Variants in CTNNA2 observed in about 807,000 individuals in gnomAD.
CTNNA2 encodes catenin alpha-2.
Under a neutral mutation model 101.0 loss-of-function variants are expected in CTNNA2, and 42 were observed. That is an observed-to-expected ratio of 0.42 (90% CI 0.32 to 0.54). The LOEUF (loss-of-function observed/expected upper bound fraction) is 0.54, where lower values mean the gene tolerates loss of function less well. CTNNA2 is among the 20% of genes least tolerant of loss of function. CTNNA2 has a pLI of 0.14. For missense variants in CTNNA2, 871 were observed against 1,223.1 expected, an observed-to-expected ratio of 0.71 and a Z score of 4.29; for synonymous variants, 450 against 456.4, an observed-to-expected ratio of 0.99 and a Z score of 0.18.
intron 4 of CTNNA2, among the ~76,000 whole-genome samples, chr2:79,419,504 A>G (rs1453618534): frequency 6.6e-6 from 1 of 152,142 alleles, no homozygotes; most frequent in Non-Finnish European, 1.5e-5. Flanking sequence ...ATGAGAAGGT[A>G]TAGGGAAACT....
chr2:80,073,765 C>CAA (rs1698502285), intron 7 of CTNNA2, among the ~76,000 whole-genome samples: 1 of 143,242 alleles, frequency 7.0e-6, no homozygotes, highest in Non-Finnish European at 1.5e-5. Flanking sequence ...CACACACACA[C>CAA]ACACACTTAT....
chr2:80,513,797 G>A (rs959792588), intron 9 of CTNNA2, among the ~76,000 whole-genome samples: 17 of 152,276 alleles, frequency 1.1e-4, no homozygotes, highest in African/African-American at 4.1e-4. Flanking sequence ...TGAAAGAAGA[G>A]GAGAGTTAGA....
At chr2:80,542,633 A>C (rs1691672789) in intron 9 of CTNNA2, among the ~76,000 whole-genome samples, 1 of 151,982 alleles carries the variant, frequency 6.6e-6, no homozygotes, top group African/African-American at 2.4e-5. Flanking sequence ...GGGCATTTTT[A>C]AGTTTTCATA....
At chr2:80,357,408 C>G (rs1673940541) in intron 7 of CTNNA2, among the ~76,000 whole-genome samples, 1 of 152,006 alleles carries the variant, frequency 6.6e-6, no homozygotes, top group Non-Finnish European at 1.5e-5. Context: ...TATTTACATT[C>G]ATAGTGCCCC....
At chr2:79,889,341 C>A (rs967166553) in intron 6 of CTNNA2, among the ~76,000 whole-genome samples, 1 of 152,164 alleles carries the variant, frequency 6.6e-6, no homozygotes, top group Non-Finnish European at 1.5e-5. Context: ...CCCAAATGTT[C>A]TCTGATACTG....
At position 80,222,230 on chromosome 2, in the gene CTNNA2, C is replaced by T. The variant is rs145136661; in HGVS notation, c.1057-170981C>T. Among the ~76,000 whole-genome samples, 781 of 152,266 alleles carry T rather than the reference C, an allele frequency of 5.1e-3. 8 individuals are homozygous for T. Among genetic ancestry groups the T allele is most frequent in the African/African-American group, 0.018 (731 of 41,558 alleles). On this transcript the variant is annotated intron_variant, in intron 7 of 18. Transcript: ENST00000402739. ...ATCCTGGTCTATATTTTTTAAATTA[C>T]TTTTCTGCCTCCAGAGTCCCAAATT...
chr2:79,787,989 T>C (rs185320590), intron 3 of CTNNA2, among the ~76,000 whole-genome samples: 1 of 152,124 alleles, frequency 6.6e-6, no homozygotes, highest in Non-Finnish European at 1.5e-5. Context: ...CAATCCCTAC[T>C]AGTGCCAATC....
At chr2:79,500,286 A>G (rs1249090007) in intron 4 of CTNNA2, among the ~76,000 whole-genome samples, 1 of 152,126 alleles carries the variant, frequency 6.6e-6, no homozygotes, top group East Asian at 1.9e-4. Context: ...CTAAACTTAT[A>G]TTACATATTT....
chr2:80,158,149 T>A (rs1336375584), intron 7 of CTNNA2, among the ~76,000 whole-genome samples: 1 of 152,100 alleles, frequency 6.6e-6, no homozygotes, highest in Non-Finnish European at 1.5e-5. Flanking sequence ...TTCCACCCGA[T>A]TAATTATGAA....
chr2:80,094,312 T>G (rs201766191), intron 7 of CTNNA2, among the ~76,000 whole-genome samples: 6,915 of 152,124 alleles, frequency 0.045, 492 homozygotes, highest in African/African-American at 0.15. Context: ...GATCAGATAG[T>G]TGTAGATATG....
intron 1 of CTNNA2, among the ~76,000 whole-genome samples, chr2:79,580,403 G>A (rs1676079330): frequency 1.3e-5 from 2 of 152,082 alleles, no homozygotes; most frequent in Non-Finnish European, 2.9e-5. Flanking sequence ...CTTAGCTGAC[G>A]GCCGGCAAGA....
At chr2:80,454,818 G>C (rs1683824312) in intron 9 of CTNNA2, among the ~76,000 whole-genome samples, 1 of 152,226 alleles carries the variant, frequency 6.6e-6, no homozygotes, top group African/African-American at 2.4e-5. Flanking sequence ...CCTCCCAGCA[G>C]AATCTTTGGC....
chr2:79,985,360 C>T (rs1691685472), intron 7 of CTNNA2, among the ~76,000 whole-genome samples: 1 of 152,272 alleles, frequency 6.6e-6, no homozygotes, highest in South Asian at 2.1e-4. Flanking sequence ...TGAATTCTGT[C>T]ACAGCCTTTC....
intron 1 of CTNNA2, among the ~76,000 whole-genome samples, chr2:79,528,810 A>G (rs1233397027): frequency 6.6e-6 from 1 of 152,180 alleles, no homozygotes. Context: ...AATATAGCTG[A>G]AAAGACATTT....
Position 79,528,269 on chromosome 2 carries a change from G to C in CTNNA2, c.-6+15062G>C, listed in dbSNP as rs149326644. 7.0e-4 allele frequency among the ~76,000 whole-genome samples: 107 copies of C among 152,024 alleles called. 1 individual carries two copies. The highest frequency in any genetic ancestry group is 2.5e-3 in the African/African-American group (103 of 41,482). On this transcript the variant is annotated intron_variant, in intron 1 of 18. Coordinates refer to ENST00000402739, the MANE Select transcript of CTNNA2 (RefSeq NM_001282597.3). ...CACTGTGTTGCCCAGGTTAAGTGCA[G>C]TGGTGCAACCATAGCTTACTGCAGC...
At position 80,647,776 on chromosome 2, in the gene CTNNA2, TGAA is replaced by T. The variant is rs759679478; in HGVS notation, c.2770_2772del (p.Glu924del). Reference sequence around the variant, plus strand: ...AGCCCCTTGTGAAGAGAGAAAAGCCTGAAGAATTCCAGACACGAGTTCGACGAG... The same window carrying T: ...AGCCCCTTGTGAAGAGAGAAAAGCCTGAATTCCAGACACGAGTTCGACGAG... On this transcript the variant is annotated inframe_deletion, in exon 19 of 19. Coordinates refer to ENST00000402739, the MANE Select transcript of CTNNA2 (RefSeq NM_001282597.3). The T allele has an allele frequency of 1.7e-5, 28 of 1,613,520 alleles. No individual in the cohort carries two copies. The highest frequency in any genetic ancestry group is 2.4e-5 in the Non-Finnish European group (28 of 1,179,628).
Position 80,146,545 on chromosome 2 carries a change from T to C in CTNNA2, c.1056+236748T>C, listed in dbSNP as rs139005769. 7.3e-4 allele frequency among the ~76,000 whole-genome samples: 111 copies of C among 152,038 alleles called. No individual in the cohort carries two copies. The East Asian group carries it at 0.02, about 28-fold the overall frequency. ...AATTGTCTTGCCTTTGGGGAAGAAA[T>C]AGACCATTCCCCAAAACTTACCCAC... is the stretch of plus-strand genomic sequence containing the variant. On this transcript the variant is annotated intron_variant, in intron 7 of 18. Transcript: ENST00000402739.
intron 3 of CTNNA2, among the ~76,000 whole-genome samples, chr2:79,833,128 A>G (rs1454520341): frequency 6.6e-6 from 1 of 152,192 alleles, no homozygotes; most frequent in Non-Finnish European, 1.5e-5. Context: ...GATTTTGAGA[A>G]TTTCCTCAAA....
intron 2 of CTNNA2, among the ~76,000 whole-genome samples, chr2:79,694,110 C>T (rs1185599856): frequency 6.6e-6 from 1 of 151,874 alleles, no homozygotes; most frequent in East Asian, 1.9e-4. Context: ...ACTTAGACAA[C>T]CTCACAGCAA....
Sources: gnomAD v4.1 joint callset for allele counts (sites outside exome capture counted in the v4.1 genomes callset) on GRCh38, gnomAD v4.1.1 for gene constraint, MANE v1.5 for transcripts, NCBI Gene and HGNC (gene_info 2026-07-23, HGNC 2026-07-21) for gene names.